The following UST variants were observed in gnomAD, a reference collection of about 807,000 sequenced individuals.
UST encodes the protein chondroitin sulfate 2-O-sulfotransferase.
Under a neutral mutation model 45.6 loss-of-function variants are expected in UST, and 21 were observed. That is an observed-to-expected ratio of 0.46 (90% CI 0.33 to 0.66). The LOEUF (loss-of-function observed/expected upper bound fraction) is 0.66. Ranked by LOEUF, UST falls within the 30% of genes least tolerant of loss-of-function variation. UST has a pLI of 0.02. For synonymous variants in UST, 215 were observed against 200.6 expected (o/e 1.07, Z -0.61); for missense variants, 463 against 512.4 (o/e 0.90, Z 0.93).
intron 1 of UST, among the ~76,000 whole-genome samples, chr6:148,871,414 A>G (rs1778558457): frequency 6.6e-6 from 1 of 152,158 alleles, no homozygotes; most frequent in African/African-American, 2.4e-5. Flanking sequence ...TAAATCTTAG[A>G]TGGGTGCAGT....
chr6:148,833,748 A>G (rs1777734216), intron 1 of UST, among the ~76,000 whole-genome samples: 1 of 152,206 alleles, frequency 6.6e-6, no homozygotes, highest in Non-Finnish European at 1.5e-5. Context: ...TCTCCAGCTC[A>G]GAGAAGCAGA....
At chr6:148,754,780 G>A (rs1159479726) in intron 1 of UST, among the ~76,000 whole-genome samples, 1 of 152,102 alleles carries the variant, frequency 6.6e-6, no homozygotes, top group African/African-American at 2.4e-5. Context: ...CCTTATCAAG[G>A]AGCAAGAAAT....
chr6:148,756,414 A>G (rs1318047110), intron 1 of UST, among the ~76,000 whole-genome samples: 2 of 152,184 alleles, frequency 1.3e-5, no homozygotes, highest in Admixed American at 1.3e-4. Context: ...GCAGCATGAG[A>G]ACGGACTAAT....
intron 1 of UST, among the ~76,000 whole-genome samples, chr6:148,761,708 G>T (rs1468364819): frequency 1.3e-5 from 2 of 152,224 alleles, no homozygotes; most frequent in East Asian, 1.9e-4. Flanking sequence ...AGCCTTGCCA[G>T]CCTGGCCCGG....
In UST at chr6:148,975,320, C is replaced by T. The variant is rs1582937664; in HGVS notation, c.681+10757C>T. Among the ~76,000 whole-genome samples, 3 of 152,172 alleles carry T rather than the reference C, an allele frequency of 2.0e-5. No homozygotes were observed. In the South Asian group the frequency reaches 6.2e-4, roughly 32 times the overall value. On this transcript the variant is annotated intron_variant, in intron 5 of 7. Coordinates refer to ENST00000367463, the MANE Select transcript of UST (RefSeq NM_005715.3). ...TTGATAATAGAATATCATCTTGTCT[C>T]TCAGTACCTGTCACAGCTCCCTGTT...
intron 1 of UST, 113 bp from the exon 2 acceptor site, chr6:148,886,873 T>A (rs956502809): frequency 1.1e-6 from 1 of 884,000 alleles, no homozygotes; most frequent in Non-Finnish European, 1.9e-6. Flanking sequence ...TCTTTGGTAC[T>A]GTTGTCTGAG....
chr6:148,894,441 C>A (rs1449906340), intron 2 of UST, among the ~76,000 whole-genome samples: 1 of 152,134 alleles, frequency 6.6e-6, no homozygotes, highest in Non-Finnish European at 1.5e-5. Flanking sequence ...GCAGTAGGGA[C>A]AATGGAGGCA....
At chr6:149,016,977 C>T (rs563500515) in intron 5 of UST, among the ~76,000 whole-genome samples, 1 of 152,334 alleles carries the variant, frequency 6.6e-6, no homozygotes, top group African/African-American at 2.4e-5. Context: ...CAAATGTGAG[C>T]AGGGCAGGGG....
intron 4 of UST, chr6:148,955,570 T>A (rs1333065728): frequency 6.6e-6 from 1 of 152,236 alleles, no homozygotes; most frequent in Non-Finnish European, 1.5e-5. Flanking sequence ...AATGGCTTGT[T>A]ACTGGATTAT....
At chr6:148,784,524 A>G (rs2114693692) in intron 1 of UST, among the ~76,000 whole-genome samples, 1 of 152,388 alleles carries the variant, frequency 6.6e-6, no homozygotes, top group Middle Eastern at 3.4e-3. Context: ...TATATCAGGC[A>G]AATCATACCT....
chr6:149,040,158 C>T (rs1310938887), intron 7 of UST, among the ~76,000 whole-genome samples: 1 of 152,126 alleles, frequency 6.6e-6, no homozygotes. Context: ...CAAACCTTGG[C>T]GGTAACAAAG....
intron 1 of UST, among the ~76,000 whole-genome samples, chr6:148,781,993 A>T (rs2114690129): frequency 6.6e-6 from 1 of 152,368 alleles, no homozygotes; most frequent in Non-Finnish European, 1.5e-5. Context: ...AAGGAGATTA[A>T]TGTTGTTTTA....
At chr6:149,067,740 C>T (rs988833054) in intron 7 of UST, among the ~76,000 whole-genome samples, 4 of 152,120 alleles carry the variant, frequency 2.6e-5, no homozygotes, top group Admixed American at 6.5e-5. Flanking sequence ...GTAGGGGGCT[C>T]TGAGTGAAAT....
intron 1 of UST, among the ~76,000 whole-genome samples, chr6:148,788,330 G>A (rs775453632): frequency 1.3e-5 from 2 of 151,816 alleles, no homozygotes; most frequent in Non-Finnish European, 2.9e-5. Flanking sequence ...CCATATCATC[G>A]TTCAACTAGA....
intron 2 of UST, among the ~76,000 whole-genome samples, chr6:148,902,787 T>C (rs763594972): frequency 4.6e-5 from 7 of 152,212 alleles, no homozygotes; most frequent in Non-Finnish European, 1.0e-4. Flanking sequence ...TCATTTTTTC[T>C]TTTCTTTGTC....
intron 1 of UST, among the ~76,000 whole-genome samples, chr6:148,861,940 A>C (rs1349238391): frequency 1.4e-5 from 1 of 69,370 alleles, no homozygotes; most frequent in Non-Finnish European, 2.3e-5. Context: ...TTTTGGAATA[A>C]GTGTGATGTG....
rs1778337146 is a variant in UST at position 148,862,407 on chromosome 6, G to A, written c.248-24579G>A. Reference sequence around the variant, plus strand: ...TATGTGTGTCTCTGCACATGAGATGGGTCTCCTGAATACAGCACACTGATG... The same window carrying A: ...TATGTGTGTCTCTGCACATGAGATGAGTCTCCTGAATACAGCACACTGATG... On this transcript the variant is annotated intron_variant, in intron 1 of 7. Transcript: ENST00000367463. Among the ~76,000 whole-genome samples the A allele has an allele frequency of 2.0e-5, 3 of 152,246 alleles. No individual in the cohort carries two copies. The South Asian group carries it at 6.2e-4, about 32-fold the overall frequency.
At chr6:148,747,949 A>G (rs542005824) in intron 1 of UST, among the ~76,000 whole-genome samples, 1 of 151,982 alleles carries the variant, frequency 6.6e-6, no homozygotes, top group South Asian at 2.1e-4. Flanking sequence ...CCCCCGCCCC[A>G]CCTCCGCCAC....
intron 1 of UST, among the ~76,000 whole-genome samples, chr6:148,864,729 G>A (rs1033670238): frequency 1.3e-5 from 2 of 152,160 alleles, no homozygotes; most frequent in East Asian, 1.9e-4. Flanking sequence ...AGTTATCCTT[G>A]GTTGTTTCAG....
Sources: allele counts gnomAD v4.1 joint callset (sites outside exome capture counted in the v4.1 genomes callset), GRCh38; gene constraint gnomAD v4.1.1; transcripts MANE v1.5; gene names NCBI Gene and HGNC (gene_info 2026-07-23, HGNC 2026-07-21).